GTF2A1L: variants seen among roughly 807,000 people sequenced by gnomAD.
GTF2A1L encodes the protein general transcription factor IIA subunit 1 like.
A neutral mutation model predicts 49.7 loss-of-function variants in GTF2A1L; 48 were observed. That is an observed-to-expected ratio of 0.97 (90% CI 0.77 to 1.23). The LOEUF is 1.23. Among genes scored for constraint, GTF2A1L ranks in the 50% most tolerant of loss-of-function variants. The pLI, the probability that GTF2A1L is intolerant of heterozygous loss-of-function variation, is 0.00. For synonymous variants in GTF2A1L, 246 were observed against 193.5 expected (o/e 1.27, Z -2.25); for missense variants, 736 against 564.8 (o/e 1.30, Z -3.07).
chr2:48,620,942 A>C lies in GTF2A1L; in HGVS notation c.113A>C (p.Asp38Ala), dbSNP rs1228884583. ...GGTATAGAGGAACAAGTTTTAAAAG[A>C]CTTGAAGCAGGTTTGTAGCCGATAC... ...EEGIEEQVLK[D>A]LKQLWETKVL... Residue 38 changes from aspartate to alanine, a missense_variant, in exon 2 of 9, where the codon GAC (aspartate) becomes GCC (alanine). Asp to Ala is a moderately radical substitution (Grantham distance 126). Coordinates refer to ENST00000403751, the MANE Select transcript of GTF2A1L (RefSeq NM_006872.5). The C allele has an allele frequency of 2.5e-6, 4 of 1,597,774 alleles. No homozygotes were observed. The highest frequency in any genetic ancestry group is 3.4e-6 in the Non-Finnish European group (4 of 1,175,254).
chr2:48,639,222 A>G (rs1260227765), intron 3 of GTF2A1L, among the ~76,000 whole-genome samples: 1 of 152,218 alleles, frequency 6.6e-6, no homozygotes, highest in Non-Finnish European at 1.5e-5. Context: ...TATGGAGCTA[A>G]CAAAGAACCT....
At chr2:48,640,527 A>G (rs1677143320) in intron 3 of GTF2A1L, among the ~76,000 whole-genome samples, 2 of 152,016 alleles carry the variant, frequency 1.3e-5, no homozygotes, top group African/African-American at 2.4e-5. Flanking sequence ...GGGTCTACTT[A>G]AGGGTGGAGG....
intron 6 of GTF2A1L, among the ~76,000 whole-genome samples, chr2:48,662,521 G>C (rs1185714124): frequency 2.6e-5 from 4 of 152,078 alleles, no homozygotes; most frequent in Non-Finnish European, 4.4e-5. Flanking sequence ...GTAAGGCAGA[G>C]TTTATTCAAG....
intron 3 of GTF2A1L, among the ~76,000 whole-genome samples, chr2:48,625,551 G>T (rs1449925188): frequency 7.0e-6 from 1 of 143,000 alleles, no homozygotes; most frequent in Non-Finnish European, 1.6e-5. Context: ...TGCTGTGCAG[G>T]AGCTTTTTAA....
intron 6 of GTF2A1L, among the ~76,000 whole-genome samples, chr2:48,664,934 T>G (rs572840755): frequency 1.3e-5 from 2 of 152,196 alleles, no homozygotes; most frequent in African/African-American, 4.8e-5. Context: ...ATTTGTTTAT[T>G]TATTGAGACA....
At chr2:48,639,133 A>T (rs1317668671) in intron 3 of GTF2A1L, among the ~76,000 whole-genome samples, 1 of 152,218 alleles carries the variant, frequency 6.6e-6, no homozygotes, top group Admixed American at 6.5e-5. Flanking sequence ...ACCCAAAGCA[A>T]TGTACAGATG....
At chr2:48,662,527 T>G (rs1405435215) in intron 6 of GTF2A1L, among the ~76,000 whole-genome samples, 1 of 152,172 alleles carries the variant, frequency 6.6e-6, no homozygotes, top group Non-Finnish European at 1.5e-5. Flanking sequence ...CAGAGTTTAT[T>G]CAAGGGGATC....
At chr2:48,641,759 C>T (rs997430017) in intron 3 of GTF2A1L, among the ~76,000 whole-genome samples, 3 of 152,106 alleles carry the variant, frequency 2.0e-5, no homozygotes, top group Non-Finnish European at 2.9e-5. Context: ...GGCTGGTTAG[C>T]ATAGAAAACT....
intron 3 of GTF2A1L, among the ~76,000 whole-genome samples, chr2:48,632,059 C>T (rs577530911): frequency 1.3e-5 from 2 of 152,146 alleles, no homozygotes; most frequent in African/African-American, 4.8e-5. Context: ...TTGGCAATGT[C>T]TTCCAGAGTT....
Position 48,679,354 on chromosome 2 carries a change from A to G in GTF2A1L, c.1349A>G (p.Lys450Arg), listed in dbSNP as rs1679643851. 6.2e-7 allele frequency: 1 copy of G among 1,610,272 alleles called. No individual in the cohort carries two copies. Among genetic ancestry groups the G allele is most frequent in the African/African-American group, 1.3e-5 (1 of 74,774 alleles). ...QYDKIHRSKN[K>R]WKFYLKDGVM... ...CTCCAGATTCATCGAAGCAAGAACA[A>G]ATGGAAATTCTATTTGAAAGATGGT... Residue 450 changes from lysine to arginine, a missense_variant, in exon 9 of 9, where the codon AAA becomes AGA. Physicochemically the swap from Lys to Arg is conservative, Grantham distance 26 (BLOSUM62 2). Coordinates refer to ENST00000403751, the MANE Select transcript of GTF2A1L (RefSeq NM_006872.5).
At chr2:48,619,591 GCAATCCTAGAGTGCCACAATTTT>G in intron 1 of GTF2A1L, among the ~76,000 whole-genome samples, 1 of 152,132 alleles carries the variant, frequency 6.6e-6, no homozygotes, top group South Asian at 2.1e-4. Flanking sequence ...GGATGAAAAG[GCAATCCTAGAGTGCCACAATTTT>G]CATTTTGGCG....
intron 3 of GTF2A1L, among the ~76,000 whole-genome samples, chr2:48,631,923 T>C (rs766289836): frequency 3.9e-5 from 6 of 152,228 alleles, no homozygotes; most frequent in Non-Finnish European, 7.3e-5. Context: ...TACCCAAAAG[T>C]CATTCAGGAG....
At chr2:48,645,992 A>G (rs1336412439) in intron 5 of GTF2A1L, among the ~76,000 whole-genome samples, 6 of 151,070 alleles carry the variant, frequency 4.0e-5, no homozygotes, top group African/African-American at 1.5e-4. Context: ...GGAAGAAAGG[A>G]GAAGAAATTT....
intron 3 of GTF2A1L, among the ~76,000 whole-genome samples, chr2:48,638,153 G>A (rs11683643): frequency 0.18 from 27,008 of 152,106 alleles, 2,647 homozygotes; most frequent in South Asian, 0.24. Context: ...CCTGATGTAC[G>A]AAGAAGAGCT....
At chr2:48,642,079 CTTTAATAAATA>C (rs1180126411) in intron 3 of GTF2A1L, among the ~76,000 whole-genome samples, 1 of 152,262 alleles carries the variant, frequency 6.6e-6, no homozygotes, top group African/African-American at 2.4e-5. Context: ...AAATGTGCCA[CTTTAATAAATA>C]TTTAATAAAT....
At chr2:48,637,591 C>G (rs376744748) in intron 3 of GTF2A1L, among the ~76,000 whole-genome samples, 1 of 151,918 alleles carries the variant, frequency 6.6e-6, no homozygotes, top group Non-Finnish European at 1.5e-5. Context: ...ACTTCAGCCC[C>G]AAAGCTAGCA....
chr2:48,658,388 C>A (rs925489010), intron 6 of GTF2A1L, among the ~76,000 whole-genome samples: 4 of 152,074 alleles, frequency 2.6e-5, no homozygotes, highest in African/African-American at 9.7e-5. Flanking sequence ...TTTTTGTTGA[C>A]TTTGTCAAAG....
intron 4 of GTF2A1L, among the ~76,000 whole-genome samples, chr2:48,643,984 C>T (rs1420831195): frequency 1.3e-5 from 2 of 152,020 alleles, no homozygotes; most frequent in Non-Finnish European, 2.9e-5. Flanking sequence ...CAGGCGTGAG[C>T]CACCGTGCCC....
At chr2:48,632,516 G>C (rs1676637353) in intron 3 of GTF2A1L, 1 of 152,222 alleles carries the variant, frequency 6.6e-6, no homozygotes, top group Admixed American at 6.6e-5. Flanking sequence ...CTGAGTAGCT[G>C]GGATTACAGG....
Sources: allele counts gnomAD v4.1 joint callset (sites outside exome capture counted in the v4.1 genomes callset), GRCh38; gene constraint gnomAD v4.1.1; transcripts MANE v1.5; gene names NCBI Gene and HGNC (gene_info 2026-07-23, HGNC 2026-07-21).